Variants in DNAH2 observed in about 807,000 individuals in gnomAD.
DNAH2 encodes the protein dynein axonemal heavy chain 2.
In DNAH2, 323 loss-of-function variants were observed where a neutral mutation model predicts 523.5. That is an observed-to-expected ratio of 0.62 (90% CI 0.56 to 0.68). DNAH2 has a LOEUF of 0.68. DNAH2 is among the 30% of genes least tolerant of loss of function. The pLI is 0.00. For missense variants in DNAH2, 4,907 were observed against 5,701.5 expected (o/e 0.86, Z 4.49); for synonymous variants, 2,093 against 2,177.4 (o/e 0.96, Z 1.08).
At chr17:7,748,002 A>G (rs946095963) in intron 12 of DNAH2, among the ~76,000 whole-genome samples, 2 of 152,252 alleles carry the variant, frequency 1.3e-5, no homozygotes, top group Non-Finnish European at 2.9e-5. Flanking sequence ...TGAAATAAGC[A>G]GACTGTCCAA....
Position 7,786,110 on chromosome 17 carries a change from T to C in DNAH2, c.6130-14T>C. ...TCCTTTTTCTTCTGCTTGCTGTGTTTTCCCTTCCCTCAGCTGCGGGAGACC... is the reference window on the plus strand; with the variant it reads ...TCCTTTTTCTTCTGCTTGCTGTGTTCTCCCTTCCCTCAGCTGCGGGAGACC... On this transcript the variant is annotated splice_polypyrimidine_tract_variant and intron_variant, in intron 39 of 85. Coordinates refer to ENST00000572933, the MANE Select transcript of DNAH2 (RefSeq NM_020877.5). This position sits in a 1 kb window ranked among gnomAD's most constrained non-coding sequence, Gnocchi z 7.5. The C allele has an allele frequency of 6.2e-7, 1 of 1,613,668 alleles. No individual in the cohort carries two copies. The highest frequency in any genetic ancestry group is 2.2e-5 in the East Asian group (1 of 44,866).
At chr17:7,792,410 A>G in intron 46 of DNAH2, 67 bp downstream of exon 46, 1 of 1,531,656 alleles carries the variant, frequency 6.5e-7, no homozygotes. Context: ...GGCAAGAGAG[A>G]TGGGGCCTAG....
intron 2 of DNAH2, among the ~76,000 whole-genome samples, chr17:7,722,189 G>GA (rs994212710): frequency 2.8e-4 from 3 of 10,618 alleles, no homozygotes; most frequent in African/African-American, 1.1e-3. Flanking sequence ...TATAGAGACG[G>GA]GGGGGGGGGT....
chr17:7,832,822 G>A lies in DNAH2; in HGVS notation c.12904-32G>A, dbSNP rs2151357496. The A allele has an allele frequency of 6.2e-7, 1 of 1,613,986 alleles. No homozygotes were observed. The highest frequency in any genetic ancestry group is 1.1e-5 in the South Asian group (1 of 91,064). On this transcript the variant is annotated intron_variant, in intron 83 of 85. Transcript: ENST00000572933. The surrounding 1 kb of genome is among the most constrained non-coding windows in gnomAD (Gnocchi z 4.3). ...GCCATGTATGTGTTCTCCTCTTCAG[G>A]GTCCTCTCTTATTCTCACCTTCAAC...
At chr17:7,743,360 A>G (rs2075413751) in intron 12 of DNAH2, 1 of 710,404 alleles carries the variant, frequency 1.4e-6, no homozygotes, top group African/African-American at 1.7e-5. Flanking sequence ...TTATCTTAAA[A>G]CACAACAAAA....
At chr17:7,782,502 G>T (rs2076628303) in intron 39 of DNAH2, among the ~76,000 whole-genome samples, 1 of 152,094 alleles carries the variant, frequency 6.6e-6, no homozygotes, top group African/African-American at 2.4e-5. Flanking sequence ...ATTTCTGGAG[G>T]AATGAAATTT....
chr17:7,738,357 T>G (rs545862732), intron 8 of DNAH2, among the ~76,000 whole-genome samples: 43 of 151,982 alleles, frequency 2.8e-4, no homozygotes, highest in Admixed American at 1.4e-3. Context: ...TGAGACAGAG[T>G]CTTGGTCTGC....
At chr17:7,727,431 G>A (rs2074851883) in intron 4 of DNAH2, 139 bp downstream of exon 4, 3 of 1,161,966 alleles carry the variant, frequency 2.6e-6, no homozygotes, top group Non-Finnish European at 3.5e-6. Flanking sequence ...CCTACTTGGT[G>A]GCAAGGATAG....
intron 12 of DNAH2, among the ~76,000 whole-genome samples, chr17:7,750,845 T>C (rs1375068036): frequency 6.6e-6 from 1 of 152,194 alleles, no homozygotes; most frequent in African/African-American, 2.4e-5. Context: ...AATCATTTCA[T>C]TCTTGGAGGA....
intron 32 of DNAH2, among the ~76,000 whole-genome samples, chr17:7,777,128 C>CAA (rs748410853): frequency 1.4e-4 from 12 of 87,942 alleles, no homozygotes; most frequent in African/African-American, 3.1e-4. Context: ...GACTCTGTCT[C>CAA]AAAAAAAAAA....
chr17:7,775,020 G>A, intron 29 of DNAH2, 44 bp downstream of exon 29: 1 of 1,588,244 alleles, frequency 6.3e-7, no homozygotes, highest in East Asian at 2.2e-5. Context: ...GGCGAAGGGA[G>A]GGTGTTGGGG....
intron 2 of DNAH2, among the ~76,000 whole-genome samples, chr17:7,723,268 CTTTTT>C (rs58689789): frequency 1.0e-4 from 6 of 59,914 alleles, no homozygotes; most frequent in Non-Finnish European, 5.5e-5. Flanking sequence ...CTGTACCCGG[CTTTTT>C]TTTTTTTTTT....
At position 7,765,451 on chromosome 17, in the gene DNAH2, G is replaced by A. The variant is rs1226183279; in HGVS notation, c.3397G>A (p.Asp1133Asn). The A allele has an allele frequency of 6.2e-7, 1 of 1,614,132 alleles. No individual in the cohort carries two copies. ...GGTTGTCTTCCAACAAACTCTGCTG[G>A]ACAGTAAGCAAATGCTGAAGAAACA... ...EWVVFQQTLL[D>N]SKQMLKKHKE... Residue 1133 changes from aspartate (D) to asparagine (N), a missense_variant, in exon 21 of 86, where the codon GAC becomes AAC. Asp to Asn is a conservative substitution (Grantham distance 23). This residue lies in a region of DNAH2 where 2,806 missense variants were observed against 3,190.8 expected (regional missense o/e 0.88). Coordinates refer to ENST00000572933, the MANE Select transcript of DNAH2 (RefSeq NM_020877.5).
At chr17:7,830,915 G>T (rs752401997) in intron 79 of DNAH2, 73 bp downstream of exon 79, 2 of 1,590,286 alleles carry the variant, frequency 1.3e-6, no homozygotes, top group Admixed American at 3.4e-5. Context: ...AGGGGTGGGG[G>T]TAATGTTTGA....
intron 4 of DNAH2, among the ~76,000 whole-genome samples, chr17:7,732,806 T>C (rs2075027612): frequency 6.6e-6 from 1 of 152,188 alleles, no homozygotes; most frequent in Admixed American, 6.5e-5. Flanking sequence ...ACAAACATTA[T>C]TGAGCATCTA....
rs762859435 is a variant in DNAH2 at position 7,776,099 on chromosome 17, A to G, written c.4897A>G (p.Arg1633Gly). 3.4e-5 allele frequency: 55 copies of G among 1,614,004 alleles called. No homozygotes were observed. The highest frequency in any genetic ancestry group is 4.6e-5 in the Non-Finnish European group (54 of 1,179,972). The part of the protein sequence containing the change: ...DLLRNCHLAL[R>G]KFLNKRDKWV... ...TCTCCGGAACTGCCACCTGGCCCTC[A>G]GGAAGTTCCTCAACAAGAGGGACAA... The change falls in exon 31 of 86, where the codon AGG becomes GGG. Residue 1633 changes from arginine (R) to glycine (G), a missense_variant. Coordinates refer to ENST00000572933, the MANE Select transcript of DNAH2 (RefSeq NM_020877.5).
intron 77 of DNAH2, among the ~76,000 whole-genome samples, chr17:7,829,463 A>T (rs2078108578): frequency 6.6e-6 from 1 of 151,594 alleles, no homozygotes; most frequent in South Asian, 2.1e-4. Context: ...GGAAAGTAAG[A>T]CTCTCCTCTC....
chr17:7,805,514 A>T, intron 61 of DNAH2, 121 bp downstream of exon 61: 1 of 1,425,690 alleles, frequency 7.0e-7, no homozygotes, highest in Non-Finnish European at 9.5e-7. Context: ...CCTCAAGAGC[A>T]CAGGGCCTAG....
At position 7,778,271 on chromosome 17, in the gene DNAH2, A is replaced by T; in HGVS notation, c.5352-9A>T. 2 of 1,614,104 alleles carry T rather than the reference A, an allele frequency of 1.2e-6. No homozygotes were observed. The highest frequency in any genetic ancestry group is 1.7e-6 in the Non-Finnish European group (2 of 1,179,982). ...GGAGTCTGACTCTAGTTCTGTCCTCAATTCTCAGGTGTTACATGACACTGA... is the reference window on the plus strand; with the variant it reads ...GGAGTCTGACTCTAGTTCTGTCCTCTATTCTCAGGTGTTACATGACACTGA... On this transcript the variant is annotated splice_polypyrimidine_tract_variant and intron_variant, in intron 34 of 85. Transcript: ENST00000572933.
Sources: allele counts gnomAD v4.1 joint callset (sites outside exome capture counted in the v4.1 genomes callset), GRCh38; gene constraint gnomAD v4.1.1; regional missense constraint gnomAD v4.1.1; non-coding constraint Gnocchi (gnomAD v3.1); transcripts MANE v1.5; gene names NCBI Gene and HGNC (gene_info 2026-07-23, HGNC 2026-07-21).